Variants in FHOD3 observed in about 807,000 individuals in gnomAD.
FHOD3 encodes the protein FH1/FH2 domain-containing protein 3.
A neutral mutation model predicts 173.0 loss-of-function variants in FHOD3; 90 were observed. That is an observed-to-expected ratio of 0.52 (90% CI 0.44 to 0.62). The LOEUF (loss-of-function observed/expected upper bound fraction) is 0.62, where lower values mean the gene tolerates loss of function less well. FHOD3 is among the 20% of genes least tolerant of loss of function. The pLI, the probability that FHOD3 is intolerant of heterozygous loss-of-function variation, is 0.00. For synonymous variants in FHOD3, 828 were observed against 823.0 expected (o/e 1.01, Z -0.10); for missense variants, 1,945 against 2,034.7 (o/e 0.96, Z 0.85).
intron 3 of FHOD3, among the ~76,000 whole-genome samples, chr18:36,451,830 G>A (rs189944571): frequency 6.4e-4 from 97 of 152,308 alleles, no homozygotes; most frequent in Non-Finnish European, 1.0e-3. Flanking sequence ...TCATGTCATG[G>A]ATACAGAATG....
chr18:36,400,984 G>A (rs1470299099), intron 3 of FHOD3, among the ~76,000 whole-genome samples: 1 of 152,194 alleles, frequency 6.6e-6, no homozygotes. Context: ...ATGTGAAAGT[G>A]CAAGGCTGAC....
intron 3 of FHOD3, among the ~76,000 whole-genome samples, chr18:36,418,184 AT>A (rs2049776375): frequency 6.6e-6 from 1 of 152,190 alleles, no homozygotes; most frequent in Non-Finnish European, 1.5e-5. Flanking sequence ...GCTTCAATCC[AT>A]TTAGACAAAC....
chr18:36,627,009 C>T (rs2034159426), intron 10 of FHOD3, among the ~76,000 whole-genome samples: 1 of 152,164 alleles, frequency 6.6e-6, no homozygotes, highest in South Asian at 2.1e-4. Flanking sequence ...CCCCAGATGC[C>T]CTCTCTCTAC....
chr18:36,582,272 T>C (rs1473721027), intron 6 of FHOD3, among the ~76,000 whole-genome samples: 1 of 152,208 alleles, frequency 6.6e-6, no homozygotes, highest in African/African-American at 2.4e-5. Flanking sequence ...GCCACTGGCA[T>C]GTCACTGTTG....
At chr18:36,563,986 C>G (rs757813763) in intron 5 of FHOD3, among the ~76,000 whole-genome samples, 1 of 152,092 alleles carries the variant, frequency 6.6e-6, no homozygotes, top group Non-Finnish European at 1.5e-5. Flanking sequence ...CAGTCAGGGA[C>G]AGATGCCCTA....
intron 10 of FHOD3, among the ~76,000 whole-genome samples, chr18:36,626,471 G>A (rs1450134647): frequency 6.6e-6 from 1 of 152,198 alleles, no homozygotes; most frequent in Non-Finnish European, 1.5e-5. Flanking sequence ...AACCCAGAGT[G>A]GTTCTATAGT....
chr18:36,581,261 T>C (rs2148092480), intron 6 of FHOD3, among the ~76,000 whole-genome samples: 1 of 152,364 alleles, frequency 6.6e-6, no homozygotes, highest in Middle Eastern at 3.4e-3. Flanking sequence ...TTTTTTTCTC[T>C]TCATACATCT....
chr18:36,459,558 G>A lies in FHOD3; in HGVS notation c.338-42374G>A, dbSNP rs187816895. On this transcript the variant is annotated intron_variant, in intron 3 of 28. Transcript: ENST00000590592. ...ACAGCCCTGTCTGACCTGCAGTGTG[G>A]GGGAAGACTCTAGCCAACTTCTGTC... Among the ~76,000 whole-genome samples, 9 of 152,294 alleles carry A rather than the reference G, an allele frequency of 5.9e-5. No homozygotes were observed. The East Asian group carries it at 1.4e-3, about 23-fold the overall frequency.
At position 36,594,809 on chromosome 18, in the gene FHOD3, C is replaced by T. The variant is rs777319517; in HGVS notation, c.629C>T (p.Ala210Val). 26 of 1,613,484 alleles carry T rather than the reference C, an allele frequency of 1.6e-5. 1 individual carries two copies. In the Middle Eastern group the frequency reaches 1.3e-3, roughly 82 times the overall value. Residue 210 changes from alanine (A) to valine (V), a missense_variant, in exon 7 of 29, where the codon GCC (alanine) becomes GTC (valine). Around this residue, in one of 5 missense-constraint regions of FHOD3, gnomAD observed 245 missense variants for 267.7 expected, o/e 0.92. Transcript: ENST00000590592. The stretch of plus-strand genomic sequence containing the variant: ...CAGTTCCGCCTGGTGGTGAAGACAG[C>T]CCTGAAGCTGCTGCTCGTCTTTGTA... ...GSKFRLVVKTALKLLLVFVEY... is the reference protein window; with the variant it reads ...GSKFRLVVKTVLKLLLVFVEY...
intron 17 of FHOD3, among the ~76,000 whole-genome samples, chr18:36,702,337 T>A (rs1052322000): frequency 6.6e-6 from 1 of 152,240 alleles, no homozygotes; most frequent in South Asian, 2.1e-4. Context: ...GTACCCAGGC[T>A]GAGAAACCTT....
intron 1 of FHOD3, among the ~76,000 whole-genome samples, chr18:36,312,068 A>G (rs540967706): frequency 6.6e-6 from 1 of 152,156 alleles, no homozygotes; most frequent in Non-Finnish European, 1.5e-5. Flanking sequence ...GTACCCTCCC[A>G]GTTCCTGTCA....
chr18:36,659,870 G>A (rs1016596824), intron 14 of FHOD3, among the ~76,000 whole-genome samples: 1 of 152,196 alleles, frequency 6.6e-6, no homozygotes, highest in Non-Finnish European at 1.5e-5. Flanking sequence ...TGGGCTAGAA[G>A]ATCCAGGATC....
chr18:36,655,426 G>A (rs767002527), intron 13 of FHOD3, among the ~76,000 whole-genome samples: 1 of 152,106 alleles, frequency 6.6e-6, no homozygotes, highest in African/African-American at 2.4e-5. Flanking sequence ...ATTTATAGTC[G>A]TGGGGGTGGG....
At chr18:36,609,984 C>G (rs761429332) in intron 8 of FHOD3, among the ~76,000 whole-genome samples, 3 of 152,142 alleles carry the variant, frequency 2.0e-5, no homozygotes. Context: ...GTTGGACTTG[C>G]TAAAGCAATG....
intron 3 of FHOD3, among the ~76,000 whole-genome samples, chr18:36,469,632 C>A (rs1037762706): frequency 6.6e-6 from 1 of 152,218 alleles, no homozygotes; most frequent in African/African-American, 2.4e-5. Context: ...CAAGAGGCAG[C>A]TGATGCTGGC....
chr18:36,347,932 G>T (rs1238065588), intron 1 of FHOD3, among the ~76,000 whole-genome samples: 1 of 152,212 alleles, frequency 6.6e-6, no homozygotes, highest in East Asian at 1.9e-4. Context: ...GAAGGTTAAT[G>T]AAATGAATAC....
At chr18:36,678,059 C>T (rs567320875) in intron 14 of FHOD3, among the ~76,000 whole-genome samples, 176 of 152,162 alleles carry the variant, frequency 1.2e-3, no homozygotes, top group Non-Finnish European at 1.8e-3. Context: ...CATAGGTTTT[C>T]TTGGATTATC....
chr18:36,382,033 C>T (rs2047816621), intron 3 of FHOD3, among the ~76,000 whole-genome samples: 1 of 152,196 alleles, frequency 6.6e-6, no homozygotes, highest in Non-Finnish European at 1.5e-5. Flanking sequence ...CCGGGCAGGG[C>T]TCCATGGTGC....
chr18:36,517,886 A>G (rs1486513978), intron 5 of FHOD3, among the ~76,000 whole-genome samples: 1 of 152,136 alleles, frequency 6.6e-6, no homozygotes, highest in Non-Finnish European at 1.5e-5. Flanking sequence ...TATAGGAAAA[A>G]ATCCTCAAAT....
Sources: allele counts gnomAD v4.1 joint callset (sites outside exome capture counted in the v4.1 genomes callset), GRCh38; gene constraint gnomAD v4.1.1; regional missense constraint gnomAD v4.1.1; transcripts MANE v1.5; gene names NCBI Gene and HGNC (gene_info 2026-07-23, HGNC 2026-07-21).